Variants in DNAH9 observed in about 807,000 individuals in gnomAD.
DNAH9 encodes DNAH9 variant protein.
DNAH9 carries 345 observed loss-of-function variants against 471.6 expected under a neutral mutation model. The ratio of observed to expected loss-of-function variants is 0.73; its 90% CI spans 0.67 to 0.80. DNAH9 has a LOEUF of 0.80. Among genes scored for constraint, DNAH9 ranks in the 30% least tolerant of loss-of-function variants. The probability of loss-of-function intolerance (pLI) is 0.00; values close to 1 mark genes in which losing one functional copy is unlikely to be tolerated. For synonymous variants in DNAH9, 2,093 were observed against 2,123.6 expected, an observed-to-expected ratio of 0.99 and a Z score of 0.40; for missense variants, 5,407 against 5,609.2, an observed-to-expected ratio of 0.96 and a Z score of 1.15.
rs531583617 is a variant in DNAH9, at chr17:11,610,665, T to A, written c.773+111T>A. 34 of 998,962 alleles carry A rather than the reference T, an allele frequency of 3.4e-5. No individual in the cohort carries two copies. The South Asian group carries it at 5.4e-4, about 16-fold the overall frequency. 61.9% of individuals were successfully genotyped at this position (998,962 alleles called of 1,614,324 possible). A position where few individuals can be genotyped will look rare whatever the true frequency, so the allele number is the denominator to read the frequency against. ...TTGAGCCTATTCTTCCCTATAGGTA[T>A]TTCACATCATCAGTGGGGTAGACAG... On this transcript the variant is annotated intron_variant, in intron 3 of 68. Coordinates refer to ENST00000262442, the MANE Select transcript of DNAH9 (RefSeq NM_001372.4).
chr17:11,775,178 C>G (rs965608265), intron 38 of DNAH9, among the ~76,000 whole-genome samples: 6 of 152,098 alleles, frequency 3.9e-5, no homozygotes, highest in Admixed American at 3.9e-4. Context: ...TGAGATTTAT[C>G]CATGTTGTTG....
chr17:11,763,787 G>C (rs573744497), intron 36 of DNAH9, among the ~76,000 whole-genome samples, 173 bp downstream of exon 36: 1 of 152,314 alleles, frequency 6.6e-6, no homozygotes, highest in Non-Finnish European at 1.5e-5. Flanking sequence ...GTCCTAGCCA[G>C]ACCTCATAGG....
intron 26 of DNAH9, among the ~76,000 whole-genome samples, chr17:11,712,357 G>A (rs1214811883): frequency 6.6e-6 from 1 of 151,476 alleles, no homozygotes; most frequent in African/African-American, 2.4e-5. Flanking sequence ...ATGATTTTCA[G>A]CTGAGGCTGT....
chr17:11,725,623 T>C (rs1040850476), intron 27 of DNAH9, among the ~76,000 whole-genome samples: 1 of 152,072 alleles, frequency 6.6e-6, no homozygotes, highest in Non-Finnish European at 1.5e-5. Context: ...CTCAAACACT[T>C]TGGGAGGCCA....
At chr17:11,599,082 G>A (rs1157345744) in intron 1 of DNAH9, among the ~76,000 whole-genome samples, 167 bp downstream of exon 1, 2 of 152,000 alleles carry the variant, frequency 1.3e-5, no homozygotes, top group African/African-American at 2.4e-5. Context: ...GCACAACCAG[G>A]AGGGAAGTTC....
chr17:11,724,608 T>G (rs1346710025), intron 27 of DNAH9, among the ~76,000 whole-genome samples: 1 of 152,226 alleles, frequency 6.6e-6, no homozygotes, highest in Non-Finnish European at 1.5e-5. Context: ...ATTCCATATC[T>G]TAACTATTGT....
At chr17:11,949,397 G>A (rs1975272433) in intron 67 of DNAH9, among the ~76,000 whole-genome samples, 1 of 152,036 alleles carries the variant, frequency 6.6e-6, no homozygotes, top group African/African-American at 2.4e-5. Flanking sequence ...ATTAATCGCT[G>A]TTAAACAGGA....
rs5819339 is a variant in DNAH9 at position 11,756,274 on chromosome 17, CAA to C, written c.6739-276_6739-275del. ...CCTGGGTGACAGAGCGAGACTCTGT[CAA>C]AAAAAAAAAAAAAAAAATCAGATCT... is the stretch of plus-strand genomic sequence containing the variant. On this transcript the variant is annotated intron_variant, in intron 33 of 68. Coordinates refer to ENST00000262442, the MANE Select transcript of DNAH9 (RefSeq NM_001372.4). Among the ~76,000 whole-genome samples, 382 of 135,644 alleles carry C rather than the reference CAA, an allele frequency of 2.8e-3. 5 individuals are homozygous for C. Among genetic ancestry groups the C allele is most frequent in the East Asian group, 0.014 (65 of 4,692 alleles). The allele number at this position is 135,644 out of a possible 152,430, so 89.0% of individuals were successfully genotyped here.
intron 11 of DNAH9, 68 bp from the exon 12 acceptor site, chr17:11,647,004 G>T: frequency 6.4e-7 from 1 of 1,561,916 alleles, no homozygotes; most frequent in Non-Finnish European, 8.8e-7. Flanking sequence ...TTATGTTACA[G>T]ATCATGACCA....
chr17:11,604,251 T>G (rs1009202243), intron 1 of DNAH9, among the ~76,000 whole-genome samples: 1 of 152,116 alleles, frequency 6.6e-6, no homozygotes, highest in African/African-American at 2.4e-5. Context: ...CTCAAACTCC[T>G]GACCTCGTGA....
chr17:11,952,022 C>T (rs1975382919), intron 67 of DNAH9, among the ~76,000 whole-genome samples: 1 of 151,696 alleles, frequency 6.6e-6, no homozygotes, highest in African/African-American at 2.4e-5. Context: ...AGCACAGATA[C>T]AGAATGTCTT....
At chr17:11,654,878 A>T (rs1456340777) in intron 14 of DNAH9, among the ~76,000 whole-genome samples, 1 of 152,136 alleles carries the variant, frequency 6.6e-6, no homozygotes, top group Non-Finnish European at 1.5e-5. Context: ...GAGCTGTCTG[A>T]CTGTAGCTCT....
In DNAH9 at chr17:11,610,446, T is replaced by C. The variant is rs759152924; in HGVS notation, c.665T>C (p.Ile222Thr). The C allele has an allele frequency of 5.6e-6, 9 of 1,613,712 alleles. 1 individual carries two copies. In the South Asian group the frequency reaches 8.8e-5, roughly 16 times the overall value. The change falls in exon 3 of 69, where the codon ATC becomes ACC. Residue 222 changes from isoleucine (I) to threonine (T), a missense_variant. Physicochemically the swap from Ile to Thr is moderately conservative, Grantham distance 89. This residue lies in a region of DNAH9 where 767 missense variants were observed against 692.5 expected (regional missense o/e 1.11). Coordinates refer to ENST00000262442, the MANE Select transcript of DNAH9 (RefSeq NM_001372.4). The stretch of plus-strand genomic sequence containing the variant: ...ATCTATGCCATTGAGTCTGCAGTGA[T>C]CAAATGGAGCTACCAAGTCCAGGTG... Reference protein sequence around the residue: ...SVIYAIESAVIKWSYQVQVVL... With the variant: ...SVIYAIESAVTKWSYQVQVVL...
intron 61 of DNAH9, among the ~76,000 whole-genome samples, chr17:11,908,628 A>T (rs1458005173): frequency 2.0e-5 from 3 of 152,250 alleles, no homozygotes; most frequent in African/African-American, 7.2e-5. Flanking sequence ...TGGTATACTA[A>T]ATCAATACAA....
intron 36 of DNAH9, among the ~76,000 whole-genome samples, chr17:11,765,913 G>A (rs1967916338): frequency 6.6e-6 from 1 of 152,174 alleles, no homozygotes; most frequent in African/African-American, 2.4e-5. Context: ...TATTGGTGGT[G>A]CGCAGGCAGT....
At position 11,598,806 on chromosome 17, in the gene DNAH9, T is replaced by TG; in HGVS notation, c.308_309insG (p.Phe103LeufsTer46). 1 of 1,480,536 alleles carries TG rather than the reference T, an allele frequency of 6.8e-7. No homozygotes were observed. Among genetic ancestry groups the TG allele is most frequent in the Non-Finnish European group, 8.9e-7 (1 of 1,119,576 alleles). The allele number at this position is 1,480,536 out of a possible 1,614,324, so 91.7% of individuals were successfully genotyped here. The stretch of plus-strand genomic sequence containing the variant: ...CTGGCTGGCGCTAAGGCGCTTTTTT[T>TG]CCTTCGCACCGGGCCCGAGCCTCCA... On this transcript the variant is annotated frameshift_variant, in exon 1 of 69. Transcript: ENST00000262442. LOFTEE classifies it high-confidence loss of function.
intron 53 of DNAH9, among the ~76,000 whole-genome samples, chr17:11,879,738 G>A (rs1014412993): frequency 1.1e-4 from 16 of 151,806 alleles, no homozygotes; most frequent in African/African-American, 1.9e-4. Flanking sequence ...AAAAAAAACA[G>A]GTTATAAAAC....
At position 11,960,435 on chromosome 17, in the gene DNAH9, T is replaced by TAA. The variant is rs3074845; in HGVS notation, c.12844-1406_12844-1405dup. ...TGGGTGACAGAGCAAGACTCTGTCT[T>TAA]AAAAAAAAAAAAAAAAAAAAAAAAA... On this transcript the variant is annotated intron_variant, in intron 67 of 68. Transcript: ENST00000262442. Among the ~76,000 whole-genome samples, 239 of 54,038 alleles carry TAA rather than the reference T, an allele frequency of 4.4e-3. 15 individuals carry two copies. The highest frequency in any genetic ancestry group is 0.029 in the East Asian group (46 of 1,604). The allele number at this position is 54,038 out of a possible 152,430, so 35.5% of individuals were successfully genotyped here. A position where few individuals can be genotyped will look rare whatever the true frequency, so the allele number is the denominator to read the frequency against.
intron 67 of DNAH9, among the ~76,000 whole-genome samples, chr17:11,958,741 AAAAT>A (rs1205514181): frequency 6.6e-6 from 1 of 152,100 alleles, no homozygotes; most frequent in Non-Finnish European, 1.5e-5. Context: ...TAAAAAAAAA[AAAAT>A]AAAGTATATT....
Sources: gnomAD v4.1 joint callset for allele counts (sites outside exome capture counted in the v4.1 genomes callset) on GRCh38, gnomAD v4.1.1 for gene constraint, gnomAD v4.1.1 regional missense constraint, MANE v1.5 for transcripts, NCBI Gene and HGNC (gene_info 2026-07-23, HGNC 2026-07-21) for gene names.